GPC5: variants seen among roughly 807,000 people sequenced by gnomAD.
GPC5 encodes the protein glypican-5.
Under a neutral mutation model 53.9 loss-of-function variants are expected in GPC5, and 47 were observed. That is an observed-to-expected ratio of 0.87 (90% confidence interval 0.69 to 1.11). GPC5 has a LOEUF of 1.11. GPC5 is among the 50% of genes most tolerant of loss of function. The pLI is 0.00. For synonymous variants in GPC5, 286 were observed against 263.3 expected (o/e 1.09, Z -0.84); for missense variants, 748 against 713.1 (o/e 1.05, Z -0.56).
chr13:91,619,291 A>G (rs1594339886), intron 2 of GPC5, among the ~76,000 whole-genome samples: 1 of 152,118 alleles, frequency 6.6e-6, no homozygotes, highest in Non-Finnish European at 1.5e-5. Flanking sequence ...TTTTGAAAAC[A>G]TGTCCAAGAC....
intron 7 of GPC5, among the ~76,000 whole-genome samples, chr13:92,615,389 T>G (rs1884646198): frequency 6.6e-6 from 1 of 152,170 alleles, no homozygotes; most frequent in African/African-American, 2.4e-5. Context: ...GTATGGAAAA[T>G]GCAAACCTGT....
At chr13:91,695,109 G>C (rs986999647) in intron 3 of GPC5, among the ~76,000 whole-genome samples, 1 of 152,140 alleles carries the variant, frequency 6.6e-6, no homozygotes, top group Non-Finnish European at 1.5e-5. Flanking sequence ...CAGCAGCATA[G>C]GGTAATGTGT....
chr13:91,562,522 G>A (rs1049045787), intron 2 of GPC5, among the ~76,000 whole-genome samples: 1 of 151,970 alleles, frequency 6.6e-6, no homozygotes, highest in South Asian at 2.1e-4. Context: ...GGAGAGCAGT[G>A]AGGCTCACCG....
At chr13:91,569,922 G>GT (rs1261235512) in intron 2 of GPC5, among the ~76,000 whole-genome samples, 1 of 152,144 alleles carries the variant, frequency 6.6e-6, no homozygotes, top group Non-Finnish European at 1.5e-5. Context: ...ATAAGTTTCT[G>GT]TTTTTTATAA....
At chr13:92,405,203 C>A (rs1447073805) in intron 7 of GPC5, among the ~76,000 whole-genome samples, 1 of 152,164 alleles carries the variant, frequency 6.6e-6, no homozygotes, top group Non-Finnish European at 1.5e-5. Context: ...AGGCAAAAAC[C>A]AACCCCAGAG....
intron 7 of GPC5, among the ~76,000 whole-genome samples, chr13:92,769,341 T>C (rs1000037134): frequency 6.6e-6 from 1 of 152,174 alleles, no homozygotes; most frequent in Non-Finnish European, 1.5e-5. Flanking sequence ...GCTTTCTATA[T>C]ACTGCAATGT....
rs368815345 is a variant in GPC5 at position 91,614,800 on chromosome 13, G to A, written c.326-78387G>A. Among the ~76,000 whole-genome samples the A allele has an allele frequency of 6.6e-5, 10 of 152,078 alleles. 1 individual carries two copies. Among genetic ancestry groups the A allele is most frequent in the South Asian group, 4.1e-4 (2 of 4,826 alleles). On this transcript the variant is annotated intron_variant, in intron 2 of 7. Coordinates refer to ENST00000377067, the MANE Select transcript of GPC5 (RefSeq NM_004466.6). Reference sequence around the variant, plus strand: ...ACCGATGTTTATAATGGCAAATTTCGAATACTCAAGATATTCCTATCCTTA... The same window carrying A: ...ACCGATGTTTATAATGGCAAATTTCAAATACTCAAGATATTCCTATCCTTA...
intron 7 of GPC5, among the ~76,000 whole-genome samples, chr13:92,274,740 C>T (rs984978565): frequency 1.3e-5 from 2 of 152,066 alleles, no homozygotes; most frequent in Admixed American, 1.3e-4. Context: ...TTCATCAAAG[C>T]GTATGGGCTG....
chr13:91,669,969 A>C (rs1483676945), intron 2 of GPC5, among the ~76,000 whole-genome samples: 1 of 152,176 alleles, frequency 6.6e-6, no homozygotes, highest in African/African-American at 2.4e-5. Context: ...CTAAGATCTC[A>C]AAACATCGCA....
chr13:92,105,115 GA>G (rs887664914), intron 6 of GPC5, among the ~76,000 whole-genome samples: 9 of 151,042 alleles, frequency 6.0e-5, no homozygotes, highest in Non-Finnish European at 1.2e-4. Context: ...TTCCTGCAAG[GA>G]AAAAAAATGA....
At chr13:92,062,282 C>A (rs563197925) in intron 6 of GPC5, among the ~76,000 whole-genome samples, 1 of 151,924 alleles carries the variant, frequency 6.6e-6, no homozygotes, top group African/African-American at 2.4e-5. Context: ...TATTAATATA[C>A]TTTATATAAA....
In GPC5 at chr13:91,428,655, G is replaced by A. The variant is rs189723021; in HGVS notation, c.164-20106G>A. ...CCTAGGAATTTGTCTGCCTCCTATC[G>A]CTATCACTATTTAATTATTTGATGA... On this transcript the variant is annotated intron_variant, in intron 1 of 7. Coordinates refer to ENST00000377067, the MANE Select transcript of GPC5 (RefSeq NM_004466.6). 2.0e-3 allele frequency among the ~76,000 whole-genome samples: 310 copies of A among 152,112 alleles called. 2 individuals carry two copies. Among genetic ancestry groups the A allele is most frequent in the Admixed American group, 3.3e-3 (51 of 15,286 alleles).
At position 92,214,661 on chromosome 13, in the gene GPC5, A is replaced by G. The variant is rs1300318518; in HGVS notation, c.1561+69672A>G. Among the ~76,000 whole-genome samples, 7 of 152,204 alleles carry G rather than the reference A, an allele frequency of 4.6e-5. No individual in the cohort carries two copies. In the South Asian group the frequency reaches 1.0e-3, roughly 23 times the overall value. On this transcript the variant is annotated intron_variant, in intron 7 of 7. Coordinates refer to ENST00000377067, the MANE Select transcript of GPC5 (RefSeq NM_004466.6). ...ATTCCTGTGCCATCTCTCTTTCCCA[A>G]CAACCCCTGAGAGGCAGAATAATGA...
At chr13:92,203,073 G>A (rs533609032) in intron 7 of GPC5, among the ~76,000 whole-genome samples, 1 of 152,246 alleles carries the variant, frequency 6.6e-6, no homozygotes, top group Non-Finnish European at 1.5e-5. Flanking sequence ...ACTAGTTGAT[G>A]ACAAACTGGA....
Position 91,571,833 on chromosome 13 carries a change from A to ACACG in GPC5, c.326-121354_326-121353insCACG, listed in dbSNP as rs760181408. On this transcript the variant is annotated intron_variant, in intron 2 of 7. Transcript: ENST00000377067. ...CACATACGTGTGTGTATATATACAC[A>ACACG]TATACTTGTGTGTATATACACATAT... Among the ~76,000 whole-genome samples, 5 of 87,220 alleles carry ACACG rather than the reference A, an allele frequency of 5.7e-5. 1 individual carries two copies. The highest frequency in any genetic ancestry group is 1.4e-4 in the African/African-American group (2 of 14,250). The allele number at this position is 87,220 out of a possible 152,430, so 57.2% of individuals were successfully genotyped here.
At position 92,781,044 on chromosome 13, in the gene GPC5, C is replaced by T. The variant is rs907076907; in HGVS notation, c.1562-85238C>T. The stretch of plus-strand genomic sequence containing the variant: ...ATGTACGTGCACACGCACACATATA[C>T]ATCTTCACATCAAAAAGTTTATGAC... On this transcript the variant is annotated intron_variant, in intron 7 of 7. Transcript: ENST00000377067. 2.6e-5 allele frequency among the ~76,000 whole-genome samples: 4 copies of T among 152,236 alleles called. No individual in the cohort carries two copies. In the South Asian group the frequency reaches 6.2e-4, roughly 24 times the overall value.
At chr13:92,831,785 C>T (rs139878041) in intron 7 of GPC5, among the ~76,000 whole-genome samples, 91 of 152,238 alleles carry the variant, frequency 6.0e-4, no homozygotes, top group Non-Finnish European at 1.1e-3. Context: ...TGTTGATTGC[C>T]TTCCCATTTT....
chr13:91,696,959 G>A (rs2035891621), intron 3 of GPC5, among the ~76,000 whole-genome samples: 1 of 152,076 alleles, frequency 6.6e-6, no homozygotes, highest in African/African-American at 2.4e-5. Flanking sequence ...TTACGCATTT[G>A]CTTATTTTAT....
At chr13:91,983,304 C>T (rs1416209486) in intron 6 of GPC5, among the ~76,000 whole-genome samples, 2 of 151,782 alleles carry the variant, frequency 1.3e-5, no homozygotes, top group Non-Finnish European at 2.9e-5. Flanking sequence ...TGAGATAGCG[C>T]CACTGCACTT....
Sources: gnomAD v4.1 joint callset for allele counts (sites outside exome capture counted in the v4.1 genomes callset) on GRCh38, gnomAD v4.1.1 for gene constraint, MANE v1.5 for transcripts, NCBI Gene and HGNC (gene_info 2026-07-23, HGNC 2026-07-21) for gene names.